Variants in EGFLAM observed in about 807,000 individuals in gnomAD.
EGFLAM encodes EGF like, fibronectin type III and laminin G domains, also known as pikachurin.
Under a neutral mutation model 113.1 loss-of-function variants are expected in EGFLAM, and 79 were observed. The ratio of observed to expected loss-of-function variants is 0.70; its 90% CI spans 0.58 to 0.84. The LOEUF (loss-of-function observed/expected upper bound fraction) is 0.84, where lower values mean the gene tolerates loss of function less well. Ranked by LOEUF, EGFLAM falls within the 40% of genes least tolerant of loss-of-function variation. The pLI is 0.00. For synonymous variants in EGFLAM, 504 were observed against 487.6 expected (o/e 1.03, Z -0.44); for missense variants, 1,265 against 1,291.6 (o/e 0.98, Z 0.32).
chr5:38,422,487 C>A (rs1293714582), intron 12 of EGFLAM, among the ~76,000 whole-genome samples: 1 of 152,084 alleles, frequency 6.6e-6, no homozygotes, highest in Non-Finnish European at 1.5e-5. Context: ...TCTGGGGAAG[C>A]CCATGGACCT....
At chr5:38,332,123 A>T (rs190812148) in intron 1 of EGFLAM, among the ~76,000 whole-genome samples, 1 of 152,274 alleles carries the variant, frequency 6.6e-6, no homozygotes, top group Admixed American at 6.5e-5. Flanking sequence ...CCATTCTAAC[A>T]GGCATACAGG....
intron 1 of EGFLAM, among the ~76,000 whole-genome samples, chr5:38,283,014 G>A (rs1179796037): frequency 4.6e-5 from 7 of 152,068 alleles, no homozygotes; most frequent in Admixed American, 3.9e-4. Flanking sequence ...ACCACACCAG[G>A]CTAATTGTTT....
At chr5:38,429,034 A>T (rs1167722428) in intron 14 of EGFLAM, among the ~76,000 whole-genome samples, 1 of 152,232 alleles carries the variant, frequency 6.6e-6, no homozygotes, top group Non-Finnish European at 1.5e-5. Flanking sequence ...CATTTCAAAG[A>T]CTTCTTGCTC....
At chr5:38,413,685 TTA>T (rs1389506381) in intron 11 of EGFLAM, among the ~76,000 whole-genome samples, 1 of 152,152 alleles carries the variant, frequency 6.6e-6, no homozygotes, top group Non-Finnish European at 1.5e-5. Flanking sequence ...AAGCCTTTGT[TTA>T]TATGTCTAGA....
At chr5:38,369,869 C>T (rs890977670) in intron 5 of EGFLAM, among the ~76,000 whole-genome samples, 1 of 152,176 alleles carries the variant, frequency 6.6e-6, no homozygotes, top group South Asian at 2.1e-4. Context: ...ATTAGTCACC[C>T]TATAAAACTT....
chr5:38,356,108 T>C (rs1196192044), intron 5 of EGFLAM, among the ~76,000 whole-genome samples: 1 of 152,212 alleles, frequency 6.6e-6, no homozygotes, highest in Non-Finnish European at 1.5e-5. Flanking sequence ...ACTGCTAATA[T>C]ATATTTATCT....
intron 13 of EGFLAM, among the ~76,000 whole-genome samples, chr5:38,426,235 A>C (rs756096981): frequency 1.1e-4 from 17 of 152,170 alleles, no homozygotes; most frequent in Non-Finnish European, 2.2e-4. Context: ...GAGTATGTAA[A>C]TATATATACA....
chr5:38,458,249 G>GT, intron 19 of EGFLAM, 62 bp from the exon 20 acceptor site: 1 of 1,481,212 alleles, frequency 6.8e-7, no homozygotes, highest in Non-Finnish European at 9.2e-7. Context: ...TCTGTGAACC[G>GT]TGTCTGCTTA....
intron 4 of EGFLAM, among the ~76,000 whole-genome samples, chr5:38,350,831 T>C (rs1739602052): frequency 6.6e-6 from 1 of 152,150 alleles, no homozygotes; most frequent in Non-Finnish European, 1.5e-5. Context: ...CAGAGTGTGA[T>C]AGATGCTCCA....
intron 1 of EGFLAM, among the ~76,000 whole-genome samples, chr5:38,301,712 G>C (rs528263644): frequency 6.6e-6 from 1 of 152,252 alleles, no homozygotes; most frequent in East Asian, 1.9e-4. Context: ...AGCTTGAAGG[G>C]GGGTAGGGTG....
At position 38,427,525 on chromosome 5, in the gene EGFLAM, G is replaced by A. The variant is rs575085874; in HGVS notation, c.2054+273G>A. On this transcript the variant is annotated intron_variant, in intron 14 of 21. Transcript: ENST00000322350. Reference sequence around the variant, plus strand: ...ACTATGGAAAATGGACTTGCTTCAGGTGGAGGTAAACTGCCTCCATTTCCA... The same window carrying A: ...ACTATGGAAAATGGACTTGCTTCAGATGGAGGTAAACTGCCTCCATTTCCA... 4.8e-5 allele frequency: 21 copies of A among 441,854 alleles called. No individual in the cohort carries two copies. In the South Asian group the frequency reaches 7.0e-4, roughly 15 times the overall value. The allele number at this position is 441,854 out of a possible 1,614,324, so 27.4% of individuals were successfully genotyped here.
intron 19 of EGFLAM, among the ~76,000 whole-genome samples, chr5:38,456,709 C>T (rs969612586): frequency 6.6e-6 from 1 of 152,186 alleles, no homozygotes; most frequent in Non-Finnish European, 1.5e-5. Context: ...TCTATTCTTG[C>T]TGTTTTCTCA....
chr5:38,385,291 G>GCAT (rs1561060404), intron 6 of EGFLAM, among the ~76,000 whole-genome samples: 1 of 41,996 alleles, frequency 2.4e-5, no homozygotes, highest in African/African-American at 6.3e-5. Flanking sequence ...CCCCCCCCCC[G>GCAT]CCCCCGCCAC....
Position 38,424,954 on chromosome 5 carries a change from A to G in EGFLAM, c.1685-13A>G, listed in dbSNP as rs976866450. On this transcript the variant is annotated splice_polypyrimidine_tract_variant and intron_variant, in intron 12 of 21. Coordinates refer to ENST00000322350, the MANE Select transcript of EGFLAM (RefSeq NM_152403.4). ...ATGGAGGATTGGCTTTGTAATTCCC[A>G]TTCTGTATTTAGGGGAATGCAGCAG... 9 of 1,612,658 alleles carry G rather than the reference A, an allele frequency of 5.6e-6. No individual in the cohort carries two copies. In the Admixed American group the frequency reaches 1.2e-4, roughly 21 times the overall value.
At chr5:38,271,932 AT>A (rs976280606) in intron 1 of EGFLAM, among the ~76,000 whole-genome samples, 43 of 152,204 alleles carry the variant, frequency 2.8e-4, no homozygotes, top group Non-Finnish European at 5.6e-4. Flanking sequence ...ACATTTTCAC[AT>A]TGTGTGATTA....
At chr5:38,284,538 A>G (rs1431899861) in intron 1 of EGFLAM, among the ~76,000 whole-genome samples, 1 of 152,204 alleles carries the variant, frequency 6.6e-6, no homozygotes, top group Non-Finnish European at 1.5e-5. Context: ...AACCTGCTTT[A>G]GAGTGCTGGA....
Position 38,453,448 on chromosome 5 carries a change from G to A in EGFLAM, c.2687+1990G>A, listed in dbSNP as rs139124552. On this transcript the variant is annotated intron_variant, in intron 19 of 21. Coordinates refer to ENST00000322350, the MANE Select transcript of EGFLAM (RefSeq NM_152403.4). ...TCTGTTTGAATAAAAGGCATTTTGA[G>A]AGGAAATGTCACTTGTCCAATGTTA... Among the ~76,000 whole-genome samples, 42 of 152,318 alleles carry A rather than the reference G, an allele frequency of 2.8e-4. 1 individual carries two copies. The East Asian group carries it at 7.7e-3, about 28-fold the overall frequency.
chr5:38,462,780 C>T, intron 20 of EGFLAM, 128 bp from the exon 21 acceptor site: 1 of 1,037,800 alleles, frequency 9.6e-7, no homozygotes, highest in East Asian at 2.7e-5. Flanking sequence ...TTTCTGCAGC[C>T]CCATCATTTA....
At chr5:38,376,745 A>C (rs1401152930) in intron 6 of EGFLAM, among the ~76,000 whole-genome samples, 1 of 152,154 alleles carries the variant, frequency 6.6e-6, no homozygotes, top group Non-Finnish European at 1.5e-5. Flanking sequence ...ATCTCAGTTC[A>C]CTGCAACCTC....
Sources: allele counts gnomAD v4.1 joint callset (sites outside exome capture counted in the v4.1 genomes callset), GRCh38; gene constraint gnomAD v4.1.1; transcripts MANE v1.5; gene names NCBI Gene and HGNC (gene_info 2026-07-23, HGNC 2026-07-21).